SLC30A6: variants seen among roughly 807,000 people sequenced by gnomAD.
SLC30A6 encodes the protein solute carrier family 30 member 6, also known as zinc transporter 6.
Under a neutral mutation model 63.0 loss-of-function variants are expected in SLC30A6, and 55 were observed. The ratio of observed to expected loss-of-function variants is 0.87; its 90% CI spans 0.70 to 1.09. The LOEUF (loss-of-function observed/expected upper bound fraction) is 1.09, where lower values mean the gene tolerates loss of function less well. SLC30A6 is among the 50% of genes least tolerant of loss of function. SLC30A6 has a pLI of 0.00. For synonymous variants in SLC30A6, 224 were observed against 186.1 expected (o/e 1.20, Z -1.66); for missense variants, 587 against 549.2 (o/e 1.07, Z -0.69).
At chr2:32,190,781 C>A (rs1683259115) in intron 5 of SLC30A6, among the ~76,000 whole-genome samples, 2 of 152,112 alleles carry the variant, frequency 1.3e-5, no homozygotes, top group Admixed American at 6.6e-5. Context: ...CGCACCACCA[C>A]GCCCAGCTAA....
At chr2:32,215,878 C>A (rs530637215) in intron 13 of SLC30A6, among the ~76,000 whole-genome samples, 1 of 135,644 alleles carries the variant, frequency 7.4e-6, no homozygotes, top group Non-Finnish European at 1.6e-5. Context: ...TTTTTTATAA[C>A]GATAGAGTCT....
chr2:32,203,885 G>T (rs1448535442), intron 10 of SLC30A6: 3 of 984,934 alleles, frequency 3.0e-6, no homozygotes, highest in Non-Finnish European at 4.9e-6. Flanking sequence ...CGATCTGGCA[G>T]CCGGTCAGTT....
intron 13 of SLC30A6, among the ~76,000 whole-genome samples, chr2:32,212,554 C>T (rs1487052914): frequency 9.7e-6 from 1 of 103,532 alleles, no homozygotes. Flanking sequence ...GATTTTTGTT[C>T]TGGCTTTCTT....
chr2:32,212,647 A>G (rs942145787), intron 13 of SLC30A6, among the ~76,000 whole-genome samples: 2 of 120,604 alleles, frequency 1.7e-5, no homozygotes, highest in African/African-American at 6.6e-5. Context: ...GGCTAGACTG[A>G]GTGCAATGGC....
chr2:32,197,428 T>A, intron 9 of SLC30A6, 36 bp downstream of exon 9: 1 of 1,571,626 alleles, frequency 6.4e-7, no homozygotes, highest in Non-Finnish European at 8.7e-7. Flanking sequence ...ATGCATAATT[T>A]AAAGGAATAC....
intron 8 of SLC30A6, among the ~76,000 whole-genome samples, chr2:32,196,404 G>A (rs1683794121): frequency 6.6e-6 from 1 of 152,132 alleles, no homozygotes; most frequent in African/African-American, 2.4e-5. Flanking sequence ...GCCAAGCACT[G>A]CTAAATACTT....
intron 13 of SLC30A6, among the ~76,000 whole-genome samples, chr2:32,214,160 C>T (rs1027854556): frequency 2.0e-5 from 3 of 152,108 alleles, no homozygotes; most frequent in Non-Finnish European, 4.4e-5. Flanking sequence ...TGGTCTCGAA[C>T]TCCTGATCTT....
In SLC30A6 at chr2:32,223,283, C is replaced by A. The variant is rs1030095282; in HGVS notation, c.*2570C>A. ...AAAGAAGTTCAATTTAAATATTTGTCCCATTGTTTGTGATTAGGATGTAAG... is the reference window on the plus strand; with the variant it reads ...AAAGAAGTTCAATTTAAATATTTGTACCATTGTTTGTGATTAGGATGTAAG... On this transcript the variant is annotated 3_prime_UTR_variant, in exon 14 of 14. Coordinates refer to ENST00000282587, the MANE Select transcript of SLC30A6 (RefSeq NM_017964.5). 1 of 152,176 alleles carries A rather than the reference C, an allele frequency of 6.6e-6. No homozygotes were observed. The allele number at this position is 152,176 out of a possible 1,614,324, so 9.4% of individuals were successfully genotyped here.
chr2:32,189,284 T>G, intron 5 of SLC30A6, among the ~76,000 whole-genome samples: 1 of 144,920 alleles, frequency 6.9e-6, no homozygotes, highest in African/African-American at 2.6e-5. Flanking sequence ...ATACTGTCTT[T>G]TTTTTTTTTT....
At chr2:32,214,289 A>C (rs1685517874) in intron 13 of SLC30A6, among the ~76,000 whole-genome samples, 1 of 152,122 alleles carries the variant, frequency 6.6e-6, no homozygotes, top group South Asian at 2.1e-4. Flanking sequence ...TTATTTCTTA[A>C]GATTAATTTT....
At chr2:32,192,831 C>G (rs777824684) in intron 6 of SLC30A6, 87 bp from the exon 7 acceptor site, 32 of 834,402 alleles carry the variant, frequency 3.8e-5, no homozygotes, top group Non-Finnish European at 5.7e-5. Flanking sequence ...ATTTTGTGAA[C>G]TTTAAGGTGG....
chr2:32,204,110 A>G, intron 10 of SLC30A6: 1 of 422,266 alleles, frequency 2.4e-6, no homozygotes, highest in Admixed American at 3.7e-5. Context: ...GCTATTTGCA[A>G]ATAAATTGGT....
At chr2:32,177,580 C>T in intron 4 of SLC30A6, 1 of 182,940 alleles carries the variant, frequency 5.5e-6, no homozygotes, top group Non-Finnish European at 1.2e-5. Flanking sequence ...GCGTGAGCTA[C>T]CGTGCCTGAG....
At chr2:32,177,909 G>A (rs750081474) in intron 4 of SLC30A6, among the ~76,000 whole-genome samples, 8 of 151,006 alleles carry the variant, frequency 5.3e-5, no homozygotes, top group Non-Finnish European at 8.8e-5. Context: ...GATTATGGGC[G>A]TGAGCCACTG....
Position 32,203,255 on chromosome 2 carries a change from G to C in SLC30A6, c.666-1335G>C, listed in dbSNP as rs1684453666. 1.1e-5 allele frequency: 11 copies of C among 972,232 alleles called. No individual in the cohort carries two copies. The South Asian group carries it at 1.4e-4, about 12-fold the overall frequency. The allele number at this position is 972,232 out of a possible 1,614,324, so 60.2% of individuals were successfully genotyped here. A position where few individuals can be genotyped will look rare whatever the true frequency, so the allele number is the denominator to read the frequency against. ...ACGCACAGGTAGAGCTGGACAGACAGGGATTTGTATATGTTTTTATCAACC... is the reference window on the plus strand; with the variant it reads ...ACGCACAGGTAGAGCTGGACAGACACGGATTTGTATATGTTTTTATCAACC... On this transcript the variant is annotated intron_variant, in intron 10 of 13. Transcript: ENST00000282587.
chr2:32,168,883 G>A (rs1680919691), intron 1 of SLC30A6, among the ~76,000 whole-genome samples: 2 of 152,160 alleles, frequency 1.3e-5, no homozygotes, highest in South Asian at 4.1e-4. Context: ...GCAATGGCGA[G>A]CCAATATAAT....
chr2:32,177,704 C>G (rs1041275196), intron 4 of SLC30A6: 1 of 156,722 alleles, frequency 6.4e-6, no homozygotes, highest in African/African-American at 2.4e-5. Flanking sequence ...TCTGTCACCC[C>G]GGGTGGAATG....
chr2:32,218,731 A>G (rs942355306), intron 13 of SLC30A6, among the ~76,000 whole-genome samples: 1 of 152,022 alleles, frequency 6.6e-6, no homozygotes, highest in East Asian at 1.9e-4. Context: ...TAATTTTTGT[A>G]TTTTTAGTAG....
intron 1 of SLC30A6, among the ~76,000 whole-genome samples, chr2:32,166,143 C>T (rs1680627619): frequency 6.6e-6 from 1 of 152,214 alleles, no homozygotes; most frequent in East Asian, 1.9e-4. Context: ...GCAGAGCTTT[C>T]AGCTCCTGGC....
Sources: gnomAD v4.1 joint callset for allele counts (sites outside exome capture counted in the v4.1 genomes callset) on GRCh38, gnomAD v4.1.1 for gene constraint, MANE v1.5 for transcripts, NCBI Gene and HGNC (gene_info 2026-07-23, HGNC 2026-07-21) for gene names.